Variants in EML6 observed in about 807,000 individuals in gnomAD.
The protein encoded by EML6 is EMAP like 6, also known as echinoderm microtubule-associated protein-like 6.
In EML6, 154 loss-of-function variants were observed where a neutral mutation model predicts 240.1. The observed-to-expected ratio is 0.64, with a 90% CI of 0.56 to 0.73. The LOEUF (loss-of-function observed/expected upper bound fraction) is 0.73, where lower values mean the gene tolerates loss of function less well. EML6 is among the 30% of genes least tolerant of loss of function. The probability of loss-of-function intolerance (pLI) is 0.00; values close to 1 mark genes in which losing one functional copy is unlikely to be tolerated. For missense variants in EML6, 2,964 were observed against 2,474.6 expected, an observed-to-expected ratio of 1.20 and a Z score of -4.20; for synonymous variants, 1,148 against 899.0, an observed-to-expected ratio of 1.28 and a Z score of -4.95.
chr2:54,816,001 G>A (rs1260725232), intron 3 of EML6, among the ~76,000 whole-genome samples: 1 of 152,194 alleles, frequency 6.6e-6, no homozygotes, highest in Admixed American at 6.5e-5. Flanking sequence ...AATGAGAAAA[G>A]TGAGATTTAA....
intron 7 of EML6, among the ~76,000 whole-genome samples, chr2:54,838,322 C>G (rs182410534): frequency 6.6e-6 from 1 of 152,276 alleles, no homozygotes; most frequent in East Asian, 1.9e-4. Context: ...TGATTCATTC[C>G]TCAGTGCCAG....
intron 5 of EML6, among the ~76,000 whole-genome samples, chr2:54,821,832 G>A (rs922237979): frequency 2.0e-5 from 3 of 152,036 alleles, no homozygotes; most frequent in East Asian, 3.9e-4. Flanking sequence ...GAATTAAAGA[G>A]GTAAGTTTCA....
chr2:54,934,020 A>C (rs1675001532), intron 28 of EML6, among the ~76,000 whole-genome samples: 1 of 152,194 alleles, frequency 6.6e-6, no homozygotes, highest in African/African-American at 2.4e-5. Context: ...GAATGAGACA[A>C]CACGCAGTGA....
rs147913419 is a variant in EML6, at chr2:54,773,281, G to A, written c.198-39951G>A. 6.4e-4 allele frequency among the ~76,000 whole-genome samples: 98 copies of A among 152,376 alleles called. 3 individuals carry two copies. In the East Asian group the frequency reaches 0.017, roughly 27 times the overall value. On this transcript the variant is annotated intron_variant, in intron 2 of 41. Coordinates refer to ENST00000356458, the MANE Select transcript of EML6 (RefSeq NM_001039753.4). Reference sequence around the variant, plus strand: ...CTTGAAGACTAGAAGGCTCCACTGAGCAGTGAGGCTGAGCATGTAGCCCAA... The same window carrying A: ...CTTGAAGACTAGAAGGCTCCACTGAACAGTGAGGCTGAGCATGTAGCCCAA...
chr2:54,925,162 T>C (rs770060053), intron 26 of EML6, among the ~76,000 whole-genome samples: 18 of 152,134 alleles, frequency 1.2e-4, no homozygotes, highest in South Asian at 6.2e-4. Context: ...ATAGAAGAGA[T>C]GCCAGAGAGC....
At chr2:54,794,210 G>A (rs1669630823) in intron 2 of EML6, among the ~76,000 whole-genome samples, 1 of 152,118 alleles carries the variant, frequency 6.6e-6, no homozygotes, top group African/African-American at 2.4e-5. Context: ...AGGGGAGCTG[G>A]GATTTCAGCA....
In EML6 at chr2:54,891,060, T is replaced by C; in HGVS notation, c.2445T>C (p.His815=). 1 of 1,457,502 alleles carries C rather than the reference T, an allele frequency of 6.9e-7. No homozygotes were observed. The highest frequency in any genetic ancestry group is 9.3e-7 in the Non-Finnish European group (1 of 1,072,116). The allele number at this position is 1,457,502 out of a possible 1,614,324, so 90.3% of individuals were successfully genotyped here. ...TCCTATTTGTCTCTTACAGAGGACA[T>C]AAAGATAAGATATTTGTGGTAAAGT... ...KGEKIATTRG[H]KDKIFVVKCN... The change falls in exon 18 of 42, where the codon CAT becomes CAC. Residue 815 remains histidine (H), a synonymous_variant. Coordinates refer to ENST00000356458, the MANE Select transcript of EML6 (RefSeq NM_001039753.4).
intron 34 of EML6, 61 bp downstream of exon 34, chr2:54,959,322 A>G (rs962475675): frequency 2.8e-6 from 4 of 1,442,520 alleles, no homozygotes; most frequent in African/African-American, 2.9e-5. Context: ...AGAAACTGAC[A>G]AAAGTGTTCC....
intron 2 of EML6, among the ~76,000 whole-genome samples, chr2:54,803,036 T>C (rs968402888): frequency 6.6e-6 from 1 of 152,116 alleles, no homozygotes; most frequent in African/African-American, 2.4e-5. Flanking sequence ...GCCCACTTAC[T>C]CCTCCAAACA....
At chr2:54,848,528 C>CACACACACACACACAT (rs2103727401) in intron 9 of EML6, among the ~76,000 whole-genome samples, 1 of 143,774 alleles carries the variant, frequency 7.0e-6, no homozygotes, top group East Asian at 1.9e-4. Context: ...CCACACTACA[C>CACACACACACACACAT]ACACACACAC....
intron 7 of EML6, among the ~76,000 whole-genome samples, chr2:54,832,342 C>G (rs1296056310): frequency 1.3e-5 from 2 of 152,176 alleles, no homozygotes; most frequent in Non-Finnish European, 2.9e-5. Context: ...TGCACTGAAG[C>G]AAGGAAGGAG....
At chr2:54,895,232 T>A (rs926599482) in intron 20 of EML6, 41 bp from the exon 21 acceptor site, 5 of 1,548,310 alleles carry the variant, frequency 3.2e-6, no homozygotes, top group Non-Finnish European at 4.4e-6. Flanking sequence ...AATAAGCAGT[T>A]GTTTTTGTTA....
intron 26 of EML6, among the ~76,000 whole-genome samples, chr2:54,922,150 T>C (rs1674290185): frequency 6.6e-6 from 1 of 152,180 alleles, no homozygotes; most frequent in East Asian, 1.9e-4. Context: ...GGAAAAATAA[T>C]TGCAAACCAT....
At position 54,725,021 on chromosome 2, in the gene EML6, C is replaced by T. The variant is rs1435431288; in HGVS notation, c.-41C>T. The T allele has an allele frequency of 1.4e-6, 2 of 1,459,354 alleles. No homozygotes were observed. The highest frequency in any genetic ancestry group is 9.0e-7 in the Non-Finnish European group (1 of 1,106,074). The allele number at this position is 1,459,354 out of a possible 1,614,324, so 90.4% of individuals were successfully genotyped here. ...GCCCCAGCCTCGGCGAGGACGGCCC[C>T]GGCGCGCGGGGGGGCGGGGGGCGCG... On this transcript the variant is annotated 5_prime_UTR_variant, in exon 2 of 42. Transcript: ENST00000356458. The surrounding 1 kb of genome is among the most constrained non-coding windows in gnomAD (Gnocchi z 4.3).
At chr2:54,756,463 C>G (rs1410047014) in intron 2 of EML6, among the ~76,000 whole-genome samples, 1 of 152,152 alleles carries the variant, frequency 6.6e-6, no homozygotes, top group Non-Finnish European at 1.5e-5. Flanking sequence ...TGTCTGTGAG[C>G]ATGCTGTTTA....
chr2:54,837,104 T>C lies in EML6; in HGVS notation c.848-6943T>C, dbSNP rs149541235. Among the ~76,000 whole-genome samples, 1,161 of 152,298 alleles carry C rather than the reference T, an allele frequency of 7.6e-3. 17 individuals are homozygous for C. The highest frequency in any genetic ancestry group is 0.026 in the African/African-American group (1,099 of 41,560). ...ACTCTTCCTCTCTCTCTTGTTCTTA[T>C]TACCTTTTAACCTCTTGCACTCAAG... On this transcript the variant is annotated intron_variant, in intron 7 of 41. Transcript: ENST00000356458.
chr2:54,803,829 G>A (rs1179544177), intron 2 of EML6, among the ~76,000 whole-genome samples: 2 of 152,202 alleles, frequency 1.3e-5, no homozygotes, highest in Non-Finnish European at 2.9e-5. Flanking sequence ...TAGCTCCTGT[G>A]TGTGTGAAAT....
At chr2:54,899,899 G>C in intron 22 of EML6, 117 bp downstream of exon 22, 1 of 1,001,570 alleles carries the variant, frequency 1.0e-6, no homozygotes, top group Non-Finnish European at 1.4e-6. Context: ...TAAATATGCT[G>C]GGCAATGAGA....
intron 13 of EML6, among the ~76,000 whole-genome samples, chr2:54,866,214 A>T (rs1188938682): frequency 6.6e-6 from 1 of 152,252 alleles, no homozygotes; most frequent in East Asian, 1.9e-4. Flanking sequence ...TTGGTAGTAA[A>T]GTATAAATAC....
Sources: allele counts gnomAD v4.1 joint callset (sites outside exome capture counted in the v4.1 genomes callset), GRCh38; gene constraint gnomAD v4.1.1; non-coding constraint Gnocchi (gnomAD v3.1); transcripts MANE v1.5; gene names NCBI Gene and HGNC (gene_info 2026-07-23, HGNC 2026-07-21).